The following FBXL20 variants were observed in gnomAD, a reference collection of about 807,000 sequenced individuals.
FBXL20 encodes F-box/LRR-repeat protein 20.
In FBXL20, 11 loss-of-function variants were observed where a neutral mutation model predicts 64.0. The ratio of observed to expected loss-of-function variants is 0.17; its 90% CI spans 0.11 to 0.28. The LOEUF (loss-of-function observed/expected upper bound fraction) is 0.28, where lower values mean the gene tolerates loss of function less well. FBXL20 is among the 10% of genes least tolerant of loss of function. FBXL20 has a pLI of 1.00. For missense variants in FBXL20, 303 were observed against 526.2 expected (o/e 0.58, Z 4.15); for synonymous variants, 184 against 189.0 (o/e 0.97, Z 0.22).
At chr17:39,374,969 T>C (rs2047953375) in intron 1 of FBXL20, among the ~76,000 whole-genome samples, 1 of 152,114 alleles carries the variant, frequency 6.6e-6, no homozygotes, top group South Asian at 2.1e-4. Context: ...GTATTTTTAG[T>C]AGAGACAAGG....
At chr17:39,302,407 T>C (rs1465894565) in intron 3 of FBXL20, among the ~76,000 whole-genome samples, 1 of 150,928 alleles carries the variant, frequency 6.6e-6, no homozygotes. Flanking sequence ...GGAGTCTCGT[T>C]CTGTCGCCCA....
chr17:39,368,651 TTTTG>T (rs1025843861), intron 1 of FBXL20, among the ~76,000 whole-genome samples: 2 of 152,022 alleles, frequency 1.3e-5, no homozygotes, highest in Non-Finnish European at 2.9e-5. Context: ...CTTCTAACTT[TTTTG>T]TTTGTTTTTT....
At chr17:39,343,882 G>A (rs527254026) in intron 1 of FBXL20, among the ~76,000 whole-genome samples, 142 of 151,882 alleles carry the variant, frequency 9.3e-4, no homozygotes, top group African/African-American at 3.2e-3. Flanking sequence ...GTTTGTTTTT[G>A]AGACAGAGTC....
chr17:39,350,929 A>G (rs539525420), intron 1 of FBXL20, among the ~76,000 whole-genome samples: 4 of 152,188 alleles, frequency 2.6e-5, no homozygotes, highest in Non-Finnish European at 5.9e-5. Context: ...ATACTGATGT[A>G]CCCTAAAGTT....
Position 39,341,758 on chromosome 17 carries a change from T to C in FBXL20, c.104+1422A>G, listed in dbSNP as rs1447720935. Among the ~76,000 whole-genome samples the C allele has an allele frequency of 6.6e-5, 10 of 152,212 alleles. No homozygotes were observed. The South Asian group carries it at 2.1e-3, about 31-fold the overall frequency. On this transcript the variant is annotated intron_variant, in intron 2 of 14. Coordinates refer to ENST00000264658, the MANE Select transcript of FBXL20 (RefSeq NM_032875.3). ...GTATCTTGTGCACCTGCCCTCAGCC[T>C]TGGAGAAAAAAACCACTGAGATTTA...
At position 39,257,916 on chromosome 17, in the gene FBXL20, A is replaced by G. The variant is rs919112928; in HGVS notation, c.*3544T>C. The stretch of plus-strand genomic sequence containing the variant: ...CAATGGGGCTGATGAAGAGGATGAA[A>G]AGACATTGATGTAGCAAATGATGCT... On this transcript the variant is annotated 3_prime_UTR_variant, in exon 15 of 15. Transcript: ENST00000264658. The G allele has an allele frequency of 6.5e-6, 1 of 152,966 alleles. No homozygotes were observed. Among genetic ancestry groups the G allele is most frequent in the African/African-American group, 2.4e-5 (1 of 41,448 alleles). 9.5% of individuals were successfully genotyped at this position (152,966 alleles called of 1,614,324 possible).
chr17:39,372,649 C>T (rs1365495332), intron 1 of FBXL20, among the ~76,000 whole-genome samples: 1 of 135,792 alleles, frequency 7.4e-6, no homozygotes, highest in Non-Finnish European at 1.5e-5. Flanking sequence ...GAGTTTCGCT[C>T]TTGTTGCCCA....
intron 8 of FBXL20, among the ~76,000 whole-genome samples, chr17:39,282,084 C>T (rs1158324974): frequency 1.3e-5 from 2 of 152,242 alleles, no homozygotes; most frequent in Non-Finnish European, 2.9e-5. Context: ...AATCAGGGCA[C>T]TTTTAATGGA....
chr17:39,356,669 G>A (rs1345935297), intron 1 of FBXL20, among the ~76,000 whole-genome samples: 1 of 151,856 alleles, frequency 6.6e-6, no homozygotes, highest in Admixed American at 6.6e-5. Flanking sequence ...ATTTGTGTTT[G>A]TTTTGAGACA....
At chr17:39,316,048 C>T (rs1266680375) in intron 2 of FBXL20, among the ~76,000 whole-genome samples, 2 of 152,098 alleles carry the variant, frequency 1.3e-5, no homozygotes, top group Non-Finnish European at 2.9e-5. Context: ...CATGCCATTG[C>T]AGTCTAGCCC....
chr17:39,343,352 G>C, intron 1 of FBXL20, 111 bp from the exon 2 acceptor site: 1 of 662,494 alleles, frequency 1.5e-6, no homozygotes, highest in Non-Finnish European at 2.4e-6. Context: ...AAATATAGTC[G>C]GCATCATAAA....
In FBXL20 at chr17:39,401,601, T is replaced by C. The variant is rs2048246219; in HGVS notation, c.-199A>G. 16 of 1,401,404 alleles carry C rather than the reference T, an allele frequency of 1.1e-5. No homozygotes were observed. Among genetic ancestry groups the C allele is most frequent in the South Asian group, 1.6e-5 (1 of 64,182 alleles). The allele number at this position is 1,401,404 out of a possible 1,614,324, so 86.8% of individuals were successfully genotyped here. ...CCGCGGCGCCGGCGGCCGCAACGAC[T>C]GCTCGTCGCTAGCTCGGCTCTCTCC... On this transcript the variant is annotated 5_prime_UTR_variant, in exon 1 of 15. Transcript: ENST00000264658.
intron 1 of FBXL20, among the ~76,000 whole-genome samples, chr17:39,355,364 CACG>C (rs907114287): frequency 2.0e-5 from 3 of 151,836 alleles, no homozygotes; most frequent in African/African-American, 7.3e-5. Flanking sequence ...AGGCATGAGC[CACG>C]ACACCTGGCC....
intron 5 of FBXL20, 43 bp from the exon 6 acceptor site, chr17:39,297,238 A>G (rs914991616): frequency 5.0e-6 from 6 of 1,196,764 alleles, no homozygotes; most frequent in Non-Finnish European, 7.4e-6. Flanking sequence ...GAAATAGGCC[A>G]AATTCCAGTC....
rs559930785 is a variant in FBXL20 at position 39,285,695 on chromosome 17, C to T, written c.399-122G>A. The T allele has an allele frequency of 7.4e-4, 334 of 449,170 alleles. No homozygotes were observed. The highest frequency in any genetic ancestry group is 1.1e-3 in the Non-Finnish European group (288 of 267,820). The allele number at this position is 449,170 out of a possible 1,614,324, so 27.8% of individuals were successfully genotyped here. A position where few individuals can be genotyped will look rare whatever the true frequency, so the allele number is the denominator to read the frequency against. The stretch of plus-strand genomic sequence containing the variant: ...TAAGAACTGTAAAATTTTCATACCC[C>T]TAAAAAAGCAGTTATATATCCTACG... On this transcript the variant is annotated intron_variant, in intron 6 of 14. Coordinates refer to ENST00000264658, the MANE Select transcript of FBXL20 (RefSeq NM_032875.3).
chr17:39,292,698 C>T (rs879924131), intron 6 of FBXL20, among the ~76,000 whole-genome samples: 1 of 151,974 alleles, frequency 6.6e-6, no homozygotes, highest in Non-Finnish European at 1.5e-5. Context: ...CGGCTCACTG[C>T]AACCTCTGCC....
At chr17:39,400,906 A>G (rs1204884054) in intron 1 of FBXL20, among the ~76,000 whole-genome samples, 1 of 152,172 alleles carries the variant, frequency 6.6e-6, no homozygotes, top group Non-Finnish European at 1.5e-5. Flanking sequence ...CCACTTCCCT[A>G]GTTTCACCAA....
chr17:39,349,406 G>A (rs1315096116), intron 1 of FBXL20, among the ~76,000 whole-genome samples: 2 of 148,606 alleles, frequency 1.3e-5, no homozygotes, highest in Admixed American at 1.3e-4. Context: ...TTCCATAGTG[G>A]TGTCATGTCA....
intron 1 of FBXL20, among the ~76,000 whole-genome samples, chr17:39,354,270 T>C (rs1379952970): frequency 6.6e-6 from 1 of 152,200 alleles, no homozygotes. Context: ...TGAGGACCAT[T>C]TGCTTCTCCT....
Sources: gnomAD v4.1 joint callset for allele counts (sites outside exome capture counted in the v4.1 genomes callset) on GRCh38, gnomAD v4.1.1 for gene constraint, MANE v1.5 for transcripts, NCBI Gene and HGNC (gene_info 2026-07-23, HGNC 2026-07-21) for gene names.